The following C1orf210 variants were observed in gnomAD, a reference collection of about 807,000 sequenced individuals.
The protein encoded by C1orf210 is chromosome 1 open reading frame 210.
C1orf210 carries 3 observed loss-of-function variants against 3.7 expected under a neutral mutation model. The ratio of observed to expected loss-of-function variants is 0.81; its 90% CI spans 0.37 to 2.08. The LOEUF is 2.08. Among genes scored for constraint, C1orf210 ranks in the 30% most tolerant of loss-of-function variants. C1orf210 has a pLI of 0.06. For synonymous variants in C1orf210, 62 were observed against 61.7 expected (o/e 1.00, Z -0.02); for missense variants, 143 against 147.7 (o/e 0.97, Z 0.17).
chr1:43,283,180 T>A, intron 2 of C1orf210, 72 bp downstream of exon 2: 7 of 1,598,548 alleles, frequency 4.4e-6, no homozygotes, highest in Middle Eastern at 3.3e-4. Flanking sequence ...GCAGTGCAGG[T>A]AGGGTCCTTC....
chr1:43,283,836 G>A (rs1462791820), intron 1 of C1orf210, among the ~76,000 whole-genome samples: 1 of 152,142 alleles, frequency 6.6e-6, no homozygotes, highest in Non-Finnish European at 1.5e-5. Context: ...AACAGCAATT[G>A]CTTGGAGCTA....
intron 1 of C1orf210, among the ~76,000 whole-genome samples, chr1:43,283,977 G>A (rs989793109): frequency 6.6e-6 from 1 of 152,150 alleles, no homozygotes; most frequent in African/African-American, 2.4e-5. Context: ...TCTACCCTCA[G>A]CCCTTCAAGC....
At position 43,283,385 on chromosome 1, in the gene C1orf210, G is replaced by C; in HGVS notation, c.-98-17C>G. On this transcript the variant is annotated splice_polypyrimidine_tract_variant and intron_variant, in intron 1 of 2. Transcript: ENST00000523677. Reference sequence around the variant, plus strand: ...GCACAAGTCCTAGAAAATAACATAGGTATGGGTGTCAGGGATGGTCACAGG... The same window carrying C: ...GCACAAGTCCTAGAAAATAACATAGCTATGGGTGTCAGGGATGGTCACAGG... 2.8e-6 allele frequency: 4 copies of C among 1,408,898 alleles called. No individual in the cohort carries two copies. Among genetic ancestry groups the C allele is most frequent in the Non-Finnish European group, 3.9e-6 (4 of 1,029,070 alleles). The allele number at this position is 1,408,898 out of a possible 1,614,324, so 87.3% of individuals were successfully genotyped here.
chr1:43,283,211 G>T, intron 2 of C1orf210, 41 bp downstream of exon 2: 1 of 1,608,134 alleles, frequency 6.2e-7, no homozygotes, highest in Non-Finnish European at 8.5e-7. Context: ...AGCATCTAAG[G>T]GGAAGCCCCC....
chr1:43,285,405 C>G (rs1219219872), intron 1 of C1orf210, 39 bp downstream of exon 1: 3 of 152,546 alleles, frequency 2.0e-5, no homozygotes, highest in Non-Finnish European at 4.4e-5. Context: ...ACACTTTCCT[C>G]CACCAACAAA....
In C1orf210 at chr1:43,282,735, C is replaced by T; in HGVS notation, c.*50G>A. On this transcript the variant is annotated 3_prime_UTR_variant, in exon 3 of 3. Transcript: ENST00000523677. The stretch of plus-strand genomic sequence containing the variant: ...AAGGCCCCCATGTCATAACCACTGT[C>T]CTTAAGCTGTCAGGCATGGAGGGAG... The T allele has an allele frequency of 6.6e-7, 1 of 1,504,692 alleles. No homozygotes were observed. Among genetic ancestry groups the T allele is most frequent in the African/African-American group, 1.4e-5 (1 of 72,434 alleles). 93.2% of individuals were successfully genotyped at this position (1,504,692 alleles called of 1,614,324 possible). A position where few individuals can be genotyped will look rare whatever the true frequency, so the allele number is the denominator to read the frequency against.
intron 1 of C1orf210, among the ~76,000 whole-genome samples, chr1:43,283,716 C>T (rs1646561402): frequency 6.6e-6 from 1 of 152,186 alleles, no homozygotes; most frequent in Non-Finnish European, 1.5e-5. Context: ...GGTGAACTGA[C>T]TCAACTAAAG....
At chr1:43,284,327 G>T (rs1646566153) in intron 1 of C1orf210, among the ~76,000 whole-genome samples, 1 of 152,114 alleles carries the variant, frequency 6.6e-6, no homozygotes, top group African/African-American at 2.4e-5. Flanking sequence ...ACCTGAACCA[G>T]GGGAGTCCTT....
rs1254989451 is a variant in C1orf210 at position 43,283,312 on chromosome 1, A to G, written c.-42T>C. The G allele has an allele frequency of 6.2e-7, 1 of 1,610,920 alleles. No individual in the cohort carries two copies. The highest frequency in any genetic ancestry group is 8.5e-7 in the Non-Finnish European group (1 of 1,178,844). On this transcript the variant is annotated 5_prime_UTR_variant, in exon 2 of 3. Transcript: ENST00000523677. ...ACCAGTGAGTCTCAGCCTCAACCAG[A>G]AAGAGCCCTGGCTCTGAGGAGGCCC...
intron 1 of C1orf210, among the ~76,000 whole-genome samples, chr1:43,284,956 G>A (rs1011636991): frequency 2.1e-4 from 32 of 152,336 alleles, no homozygotes; most frequent in African/African-American, 7.2e-4. Flanking sequence ...TCATTGCTAG[G>A]CGGGCAGCTC....
chr1:43,284,704 C>T (rs1646569181), intron 1 of C1orf210, among the ~76,000 whole-genome samples: 1 of 152,204 alleles, frequency 6.6e-6, no homozygotes, highest in Non-Finnish European at 1.5e-5. Context: ...CAATCCAGCA[C>T]ACGGCCCTCA....
At chr1:43,284,460 A>G (rs1646567258) in intron 1 of C1orf210, among the ~76,000 whole-genome samples, 1 of 151,886 alleles carries the variant, frequency 6.6e-6, no homozygotes, top group African/African-American at 2.4e-5. Flanking sequence ...ACCTGGTATC[A>G]ATCCCCATCA....
Position 43,282,828 on chromosome 1 carries a change from C to A in C1orf210, c.299G>T (p.Gly100Val), listed in dbSNP as rs945196801. ...IEDNYIQPGT[G>V]ELGTEGSRDH... ...CCTGCTACCCTCTGTCCCCAGCTCG[C>A]CAGTCCCAGGCTGAATGTAATTGTC... The change falls in exon 3 of 3, where the codon GGC (glycine) becomes GTC (valine). Residue 100 changes from glycine to valine, a missense_variant. Physicochemically the swap from Gly to Val is moderately radical, Grantham distance 109. Coordinates refer to ENST00000523677, the MANE Select transcript of C1orf210 (RefSeq NM_182517.3). 2 of 1,612,394 alleles carry A rather than the reference C, an allele frequency of 1.2e-6. No homozygotes were observed. The highest frequency in any genetic ancestry group is 2.7e-5 in the African/African-American group (2 of 74,910).
intron 1 of C1orf210, among the ~76,000 whole-genome samples, chr1:43,284,928 A>C (rs1646570707): frequency 6.6e-6 from 1 of 152,210 alleles, no homozygotes; most frequent in South Asian, 2.1e-4. Context: ...TGCCCAGTCA[A>C]CCACCAGTCA....
chr1:43,282,729 C>A lies in C1orf210; in HGVS notation c.*56G>T. On this transcript the variant is annotated 3_prime_UTR_variant, in exon 3 of 3. Coordinates refer to ENST00000523677, the MANE Select transcript of C1orf210 (RefSeq NM_182517.3). ...AGGTTCAAGGCCCCCATGTCATAAC[C>A]ACTGTCCTTAAGCTGTCAGGCATGG... 2 of 1,487,118 alleles carry A rather than the reference C, an allele frequency of 1.3e-6. No homozygotes were observed. The highest frequency in any genetic ancestry group is 1.8e-6 in the Non-Finnish European group (2 of 1,092,654). The allele number at this position is 1,487,118 out of a possible 1,614,324, so 92.1% of individuals were successfully genotyped here. A position where few individuals can be genotyped will look rare whatever the true frequency, so the allele number is the denominator to read the frequency against.
At chr1:43,285,102 G>A (rs566452758) in intron 1 of C1orf210, among the ~76,000 whole-genome samples, 31 of 152,308 alleles carry the variant, frequency 2.0e-4, no homozygotes, top group Non-Finnish European at 3.7e-4. Flanking sequence ...CGGGAGAGAC[G>A]TCCTGGGAAG....
rs771522316 is a variant in C1orf210 at position 43,282,993 on chromosome 1, G to A, written c.134C>T (p.Ser45Leu). ...VGFVLGAVVL[S>L]LLIALAAKCH... Reference sequence around the variant, plus strand: ...TTTGGCAGCAAGTGCAATGAGGAGCGAGAGGACCACAGCCCCCAGCACAAA... The same window carrying A: ...TTTGGCAGCAAGTGCAATGAGGAGCAAGAGGACCACAGCCCCCAGCACAAA... Residue 45 changes from serine to leucine, a missense_variant, in exon 3 of 3, where the codon TCG becomes TTG. Coordinates refer to ENST00000523677, the MANE Select transcript of C1orf210 (RefSeq NM_182517.3). 22 of 1,614,002 alleles carry A rather than the reference G, an allele frequency of 1.4e-5. No individual in the cohort carries two copies. The highest frequency in any genetic ancestry group is 2.7e-5 in the African/African-American group (2 of 74,916).
chr1:43,284,433 C>A (rs1326744629), intron 1 of C1orf210, among the ~76,000 whole-genome samples: 1 of 152,036 alleles, frequency 6.6e-6, no homozygotes, highest in Non-Finnish European at 1.5e-5. Context: ...AAACCCCCCC[C>A]AACCTCCTCA....
chr1:43,284,898 T>C (rs1046941178), intron 1 of C1orf210, among the ~76,000 whole-genome samples: 1 of 152,192 alleles, frequency 6.6e-6, no homozygotes. Flanking sequence ...GGACCTACCC[T>C]GGATGACCTG....
Sources: gnomAD v4.1 joint callset for allele counts (sites outside exome capture counted in the v4.1 genomes callset) on GRCh38, gnomAD v4.1.1 for gene constraint, MANE v1.5 for transcripts, NCBI Gene and HGNC (gene_info 2026-07-23, HGNC 2026-07-21) for gene names.